ACTG1: variants seen among roughly 807,000 people sequenced by gnomAD.
The protein encoded by ACTG1 is actin gamma 1, also known as actin, cytoplasmic 2.
ACTG1 carries 14 observed loss-of-function variants against 34.3 expected under a neutral mutation model. That is an observed-to-expected ratio of 0.41 (90% confidence interval 0.27 to 0.64). The LOEUF is 0.64. Ranked by LOEUF, ACTG1 falls within the 30% of genes least tolerant of loss-of-function variation. The pLI is 0.33. For synonymous variants in ACTG1, 422 were observed against 213.9 expected (o/e 1.97, Z -8.49); for missense variants, 233 against 529.5 (o/e 0.44, Z 5.50).
chr17:81,512,554 G>A (rs1249032076), intron 1 of ACTG1, 180 bp downstream of exon 1: 17 of 894,130 alleles, frequency 1.9e-5, no homozygotes, highest in Middle Eastern at 3.3e-4. Context: ...TCTGCACTGC[G>A]GCCGGGCCCC....
chr17:81,512,551 T>G lies in ACTG1; in HGVS notation c.-7+183A>C, dbSNP rs2143787996. Reference sequence around the variant, plus strand: ...ACGTCCACGGCTCGGAAGTCTGCACTGCGGCCGGGCCCCGCCCTGGACCCC... The same window carrying G: ...ACGTCCACGGCTCGGAAGTCTGCACGGCGGCCGGGCCCCGCCCTGGACCCC... On this transcript the variant is annotated intron_variant, in intron 1 of 5. Transcript: ENST00000573283. 6 of 912,928 alleles carry G rather than the reference T, an allele frequency of 6.6e-6. No individual in the cohort carries two copies. In the South Asian group the frequency reaches 9.1e-5, roughly 14 times the overall value. 56.6% of individuals were successfully genotyped at this position (912,928 alleles called of 1,614,324 possible). A position where few individuals can be genotyped will look rare whatever the true frequency, so the allele number is the denominator to read the frequency against.
rs373653529 is a variant in ACTG1, at chr17:81,510,662, G to A, written c.*28C>T. 9.3e-6 allele frequency: 15 copies of A among 1,613,258 alleles called. No individual in the cohort carries two copies. The highest frequency in any genetic ancestry group is 4.5e-5 in the East Asian group (2 of 44,894). ...TTTCTATTCTCAATTAACCCATGCA[G>A]CAAATGCTACGCATCTGCTGAGTCC... On this transcript the variant is annotated 3_prime_UTR_variant, in exon 6 of 6. Coordinates refer to ENST00000573283, the MANE Select transcript of ACTG1 (RefSeq NM_001614.5).
chr17:81,511,902 C>T lies in ACTG1; in HGVS notation c.363+1G>A, dbSNP rs879958694. ...GAGCACGGGCGTCGGCCGAGCCTCA[C>T]CTGAGTCATCTTCTCTCTGTTGGCC... On this transcript the variant is annotated splice_donor_variant, in intron 3 of 5. Coordinates refer to ENST00000573283, the MANE Select transcript of ACTG1 (RefSeq NM_001614.5). LOFTEE classifies it high-confidence loss of function. 1 of 1,614,028 alleles carries T rather than the reference C, an allele frequency of 6.2e-7. No individual in the cohort carries two copies.
intron 3 of ACTG1, 96 bp from the exon 4 acceptor site, chr17:81,511,722 G>A (rs1248806923): frequency 7.9e-6 from 12 of 1,516,280 alleles, no homozygotes; most frequent in Non-Finnish European, 1.1e-5. Context: ...TGTGATGTGT[G>A]GAGAAAAGAA....
rs1212369577 is a variant in ACTG1 at position 81,512,767 on chromosome 17, A to T, written c.-40T>A. 1.2e-5 allele frequency: 5 copies of T among 416,232 alleles called. No homozygotes were observed. The highest frequency in any genetic ancestry group is 2.7e-5 in the Admixed American group (1 of 36,542). 25.8% of individuals were successfully genotyped at this position (416,232 alleles called of 1,614,324 possible). A position where few individuals can be genotyped will look rare whatever the true frequency, so the allele number is the denominator to read the frequency against. On this transcript the variant is annotated 5_prime_UTR_variant, in exon 1 of 6. Transcript: ENST00000573283. ...AAACGCGACGGCGGAGCGGCGGAAG[A>T]ACAGAGTGCGAGAGCTGGCAGCGGC...
At chr17:81,512,485 G>T in intron 1 of ACTG1, 125 bp from the exon 2 acceptor site, 2 of 1,502,814 alleles carry the variant, frequency 1.3e-6, no homozygotes, top group Non-Finnish European at 1.8e-6. Flanking sequence ...TGGCCTCCAA[G>T]ATCGCAACCG....
At chr17:81,512,210 C>A (rs2031847910) in intron 2 of ACTG1, 22 bp downstream of exon 2, 1 of 1,613,286 alleles carries the variant, frequency 6.2e-7, no homozygotes, top group Non-Finnish European at 8.5e-7. Context: ...AACCCAGGAG[C>A]CCCGCGGCGC....
intron 3 of ACTG1, 89 bp downstream of exon 3, chr17:81,511,814 G>GA (rs1568062107): frequency 6.2e-7 from 1 of 1,600,394 alleles, no homozygotes; most frequent in African/African-American, 1.3e-5. Flanking sequence ...CTGGAACAGC[G>GA]AAAGAAACAC....
rs1421905565 is a variant in ACTG1 at position 81,510,269 on chromosome 17, A to T, written c.*421T>A. On this transcript the variant is annotated 3_prime_UTR_variant, in exon 6 of 6. Transcript: ENST00000573283. Reference sequence around the variant, plus strand: ...CCCTGACAGACCCGCAAGACAAAACAACTGGTTCTTGCCAGCCTCTAGAGA... The same window carrying T: ...CCCTGACAGACCCGCAAGACAAAACTACTGGTTCTTGCCAGCCTCTAGAGA... The T allele has an allele frequency of 1.9e-6, 1 of 519,972 alleles. No homozygotes were observed. The highest frequency in any genetic ancestry group is 3.4e-6 in the Non-Finnish European group (1 of 294,086). 32.2% of individuals were successfully genotyped at this position (519,972 alleles called of 1,614,324 possible).
At chr17:81,511,154 G>A (rs201229276) in intron 4 of ACTG1, 34 bp downstream of exon 4, 14 of 1,613,618 alleles carry the variant, frequency 8.7e-6, no homozygotes, top group Middle Eastern at 1.6e-4. Context: ...CACCGAGGAT[G>A]TAAGAGTAGA....
rs1465259727 is a variant in ACTG1, at chr17:81,511,706, T to C, written c.364-80A>G. On this transcript the variant is annotated intron_variant, in intron 3 of 5. Transcript: ENST00000573283. ...TGCTCACACGCCACAACATGCTGCA[T>C]GCCAGTGTGATGTGTGGAGAAAAGA... 3.9e-6 allele frequency: 6 copies of C among 1,533,116 alleles called. No homozygotes were observed. In the East Asian group the frequency reaches 9.0e-5, roughly 23 times the overall value. The allele number at this position is 1,533,116 out of a possible 1,614,324, so 95.0% of individuals were successfully genotyped here. A position where few individuals can be genotyped will look rare whatever the true frequency, so the allele number is the denominator to read the frequency against.
chr17:81,511,130 T>G (rs782815910), intron 4 of ACTG1, 22 bp from the exon 5 acceptor site: 1 of 1,613,828 alleles, frequency 6.2e-7, no homozygotes. Flanking sequence ...AGCCCTCCCT[T>G]AGTGATGCTG....
chr17:81,511,304 G>A lies in ACTG1; in HGVS notation c.686C>T (p.Thr229Ile). 1.9e-6 allele frequency: 3 copies of A among 1,613,796 alleles called. No individual in the cohort carries two copies. The highest frequency in any genetic ancestry group is 2.5e-6 in the Non-Finnish European group (3 of 1,180,044). Residue 229 changes from threonine to isoleucine, a missense_variant, in exon 4 of 6, where the codon ACC becomes ATC. Physicochemically the swap from Thr to Ile is moderately conservative, Grantham distance 89. Transcript: ENST00000573283. ...CTCCAGAGAAGAGGAGGATGCGGCG[G>A]TGGCCATCTCCTGCTCGAAGTCCAG... ...VALDFEQEMA[T>I]AASSSSLEKS...
At chr17:81,512,492 A>C (rs2143787508) in intron 1 of ACTG1, 132 bp from the exon 2 acceptor site, 1 of 1,429,654 alleles carries the variant, frequency 7.0e-7, no homozygotes, top group Non-Finnish European at 9.7e-7. Context: ...CAAGATCGCA[A>C]CCGCCTGGAA....
intron 1 of ACTG1, 100 bp downstream of exon 1, chr17:81,512,634 G>A (rs1201935814): frequency 1.2e-5 from 6 of 500,956 alleles, no homozygotes; most frequent in Non-Finnish European, 1.8e-5. Flanking sequence ...TGTTCCCGGG[G>A]AAGGCGCGAC....
intron 5 of ACTG1, 44 bp from the exon 6 acceptor site, chr17:81,510,877 CCA>C: frequency 1.2e-6 from 2 of 1,613,738 alleles, no homozygotes; most frequent in Non-Finnish European, 1.7e-6. Context: ...AGAGCGCCCC[CCA>C]GTCAGCTCTC....
chr17:81,512,522 C>G, intron 1 of ACTG1, 162 bp from the exon 2 acceptor site: 2 of 1,186,986 alleles, frequency 1.7e-6, no homozygotes, highest in Non-Finnish European at 2.4e-6. Flanking sequence ...GGGCCTTTTA[C>G]GTAACGTCCA....
In ACTG1 at chr17:81,512,011, G is replaced by T; in HGVS notation, c.255C>A (p.Ile85=). The T allele has an allele frequency of 1.2e-6, 2 of 1,614,088 alleles. No homozygotes were observed. Among genetic ancestry groups the T allele is most frequent in the Non-Finnish European group, 1.7e-6 (2 of 1,180,042 alleles). The change falls in exon 3 of 6, where the codon ATC becomes ATA. Residue 85 remains isoleucine, a synonymous_variant. Coordinates refer to ENST00000573283, the MANE Select transcript of ACTG1 (RefSeq NM_001614.5). The part of the protein sequence containing the change: ...IVTNWDDMEK[I]WHHTFYNELR... ...GCTCGTTGTAGAAGGTGTGGTGCCA[G>T]ATCTTCTCCATGTCGTCCCAGTTGG...
Position 81,510,686 on chromosome 17 carries a change from C to G in ACTG1, c.*4G>C. On this transcript the variant is annotated 3_prime_UTR_variant, in exon 6 of 6. Transcript: ENST00000573283. The stretch of plus-strand genomic sequence containing the variant: ...AGCAAATGCTACGCATCTGCTGAGT[C>G]CGTTTAGAAGCATTTGCGGTGGACG... 1 of 1,613,936 alleles carries G rather than the reference C, an allele frequency of 6.2e-7. No homozygotes were observed. Among genetic ancestry groups the G allele is most frequent in the East Asian group, 2.2e-5 (1 of 44,884 alleles).
Sources: allele counts gnomAD v4.1 joint callset, GRCh38; gene constraint gnomAD v4.1.1; transcripts MANE v1.5; gene names NCBI Gene and HGNC (gene_info 2026-07-23, HGNC 2026-07-21).